Variants in DDIAS observed in about 807,000 individuals in gnomAD.
DDIAS encodes DNA damage induced apoptosis suppressor, also known as DNA damage-induced apoptosis suppressor protein.
A neutral mutation model predicts 15.7 loss-of-function variants in DDIAS; 14 were observed. The ratio of observed to expected loss-of-function variants is 0.89; its 90% CI spans 0.59 to 1.39. The LOEUF (loss-of-function observed/expected upper bound fraction) is 1.39. DDIAS is among the 40% of genes most tolerant of loss of function. The pLI, the probability that DDIAS is intolerant of heterozygous loss-of-function variation, is 0.00. For missense variants in DDIAS, 1,035 were observed against 1,130.9 expected (o/e 0.92, Z 1.22); for synonymous variants, 355 against 395.9 (o/e 0.90, Z 1.23).
In DDIAS at chr11:82,934,408, A is replaced by G; in HGVS notation, c.*73A>G. ...GTTTGCCTTCAGGGGTACGGAAAGC[A>G]TTCTTTACATTTTGAACACTTGGAG... On this transcript the variant is annotated 3_prime_UTR_variant, in exon 6 of 6. Coordinates refer to ENST00000533655, the MANE Select transcript of DDIAS (RefSeq NM_145018.4). 2 of 1,422,312 alleles carry G rather than the reference A, an allele frequency of 1.4e-6. No individual in the cohort carries two copies. Among genetic ancestry groups the G allele is most frequent in the East Asian group, 4.6e-5 (2 of 43,174 alleles). 88.1% of individuals were successfully genotyped at this position (1,422,312 alleles called of 1,614,324 possible).
chr11:82,932,599 A>G lies in DDIAS; in HGVS notation c.1261A>G (p.Ser421Gly). 1 of 1,614,170 alleles carries G rather than the reference A, an allele frequency of 6.2e-7. No homozygotes were observed. The highest frequency in any genetic ancestry group is 8.5e-7 in the Non-Finnish European group (1 of 1,180,026). The change falls in exon 6 of 6, where the codon AGC (serine) becomes GGC (glycine). Residue 421 changes from serine (S) to glycine (G), a missense_variant. By Grantham distance (56) the Ser-to-Gly change is moderately conservative. Coordinates refer to ENST00000533655, the MANE Select transcript of DDIAS (RefSeq NM_145018.4). ...TTGGGATGATCTGCCATTCTCTGAA[A>G]GCCTGAACAAGTTTCTGGCAGTTCT... ...QIWDDLPFSE[S>G]LNKFLAVLES...
At chr11:82,924,472 A>G (rs2121350676) in intron 3 of DDIAS, among the ~76,000 whole-genome samples, 1 of 152,312 alleles carries the variant, frequency 6.6e-6, no homozygotes. Flanking sequence ...AGGATTACTT[A>G]TCTCACCAGT....
At chr11:82,908,612 A>C (rs1218404550) in intron 1 of DDIAS, among the ~76,000 whole-genome samples, 1 of 152,226 alleles carries the variant, frequency 6.6e-6, no homozygotes, top group Non-Finnish European at 1.5e-5. Context: ...GACCAGACTA[A>C]AAATCAAAAT....
At chr11:82,902,582 T>C (rs530252708) in intron 1 of DDIAS, among the ~76,000 whole-genome samples, 1 of 152,340 alleles carries the variant, frequency 6.6e-6, no homozygotes, top group East Asian at 1.9e-4. Flanking sequence ...CTTTCCTATC[T>C]GACTTTTGCC....
chr11:82,928,861 A>G lies in DDIAS; in HGVS notation c.198A>G (p.Ser66=). ...AACTTTCCTTAAAAGTTGCAGAATC[A>G]AACAAATTGTTTGTTATTACTGTAT... ...RYKLSLKVAE[S]NKLFVITVFG... Residue 66 remains serine (S), a synonymous_variant, in exon 4 of 6, where the codon TCA becomes TCG. Coordinates refer to ENST00000533655, the MANE Select transcript of DDIAS (RefSeq NM_145018.4). The G allele has an allele frequency of 6.2e-7, 1 of 1,612,720 alleles. No individual in the cohort carries two copies. Among genetic ancestry groups the G allele is most frequent in the East Asian group, 2.2e-5 (1 of 44,766 alleles).
In DDIAS at chr11:82,934,351, C is replaced by A; in HGVS notation, c.*16C>A. On this transcript the variant is annotated 3_prime_UTR_variant, in exon 6 of 6. Transcript: ENST00000533655. Reference sequence around the variant, plus strand: ...GTTTTCATAAAAAGTCACCTGAACCCAATTCCTGAACTTTTAAATCTGTTT... The same window carrying A: ...GTTTTCATAAAAAGTCACCTGAACCAAATTCCTGAACTTTTAAATCTGTTT... 1 of 1,561,348 alleles carries A rather than the reference C, an allele frequency of 6.4e-7. No individual in the cohort carries two copies. Among genetic ancestry groups the A allele is most frequent in the Non-Finnish European group, 8.6e-7 (1 of 1,156,760 alleles).
intron 3 of DDIAS, among the ~76,000 whole-genome samples, chr11:82,920,119 G>T (rs1860715178): frequency 1.3e-5 from 2 of 152,000 alleles, no homozygotes; most frequent in African/African-American, 4.8e-5. Context: ...TAGGAGGGTT[G>T]TATTTTTCCA....
In DDIAS at chr11:82,934,310, C is replaced by T; in HGVS notation, c.2972C>T (p.Ala991Val). The change falls in exon 6 of 6, where the codon GCT (alanine) becomes GTT (valine). Residue 991 changes from alanine (A) to valine (V), a missense_variant. Physicochemically the swap from Ala to Val is moderately conservative, Grantham distance 64. Transcript: ENST00000533655. ...CCTTCAGTGTGTGAAACTCGAAGTG[C>T]TTGGTCACCTGAATTGTTTTCATAA... Reference protein sequence around the residue: ...GPPSVCETRSAWSPELFS With the variant: ...GPPSVCETRSVWSPELFS 6.3e-7 allele frequency: 1 copy of T among 1,596,638 alleles called. No homozygotes were observed. The highest frequency in any genetic ancestry group is 8.5e-7 in the Non-Finnish European group (1 of 1,174,082).
rs1268650617 is a variant in DDIAS at position 82,932,750 on chromosome 11, C to T, written c.1412C>T (p.Ala471Val). 10 of 1,613,844 alleles carry T rather than the reference C, an allele frequency of 6.2e-6. No individual in the cohort carries two copies. The African/African-American group carries it at 6.7e-5, about 11-fold the overall frequency. Reference sequence around the variant, plus strand: ...GTGACTCCCCAGAGAACTACTGGAGCCCTGCATACACCACCTATAGCTTTA... The same window carrying T: ...GTGACTCCCCAGAGAACTACTGGAGTCCTGCATACACCACCTATAGCTTTA... ...LSVTPQRTTG[A>V]LHTPPIALRS... Residue 471 changes from alanine to valine, a missense_variant, in exon 6 of 6, where the codon GCC becomes GTC. Coordinates refer to ENST00000533655, the MANE Select transcript of DDIAS (RefSeq NM_145018.4).
chr11:82,908,090 T>C (rs1860465718), intron 1 of DDIAS, among the ~76,000 whole-genome samples: 1 of 152,138 alleles, frequency 6.6e-6, no homozygotes, highest in Non-Finnish European at 1.5e-5. Flanking sequence ...TGAGCTAAAG[T>C]GGGGCTCTCT....
At chr11:82,918,314 G>A (rs1228921375) in intron 3 of DDIAS, among the ~76,000 whole-genome samples, 1 of 152,186 alleles carries the variant, frequency 6.6e-6, no homozygotes, top group Non-Finnish European at 1.5e-5. Flanking sequence ...GCTAGCCAAT[G>A]ATCCCAGCAC....
Position 82,933,729 on chromosome 11 carries a change from T to C in DDIAS, c.2391T>C (p.Phe797=), listed in dbSNP as rs137946617. The part of the protein sequence containing the change: ...GINRAFKKPV[F]YSDLDGNYEK... The stretch of plus-strand genomic sequence containing the variant: ...ACAGAGCTTTCAAAAAACCTGTATT[T>C]TATTCAGATCTTGATGGTAACTATG... Residue 797 remains phenylalanine (F), a synonymous_variant, in exon 6 of 6, where the codon TTT becomes TTC. Coordinates refer to ENST00000533655, the MANE Select transcript of DDIAS (RefSeq NM_145018.4). 1.4e-5 allele frequency: 22 copies of C among 1,613,238 alleles called. No homozygotes were observed. The highest frequency in any genetic ancestry group is 1.8e-5 in the Non-Finnish European group (21 of 1,179,828).
intron 3 of DDIAS, among the ~76,000 whole-genome samples, chr11:82,915,753 T>C (rs555723717): frequency 6.6e-6 from 1 of 152,324 alleles, no homozygotes; most frequent in South Asian, 2.1e-4. Context: ...AGTGATAGCA[T>C]GATAGTGTTT....
intron 3 of DDIAS, among the ~76,000 whole-genome samples, chr11:82,917,667 T>C (rs1399223774): frequency 6.6e-6 from 1 of 152,202 alleles, no homozygotes; most frequent in East Asian, 1.9e-4. Context: ...TACCCAGCAG[T>C]GGGATTGCTG....
intron 3 of DDIAS, among the ~76,000 whole-genome samples, chr11:82,925,356 G>A (rs1860837444): frequency 6.6e-6 from 1 of 152,118 alleles, no homozygotes; most frequent in Non-Finnish European, 1.5e-5. Context: ...CAACACTCTG[G>A]GAGGCCGAAA....
chr11:82,902,117 C>T (rs1860321451), intron 1 of DDIAS, among the ~76,000 whole-genome samples: 1 of 152,150 alleles, frequency 6.6e-6, no homozygotes, highest in Non-Finnish European at 1.5e-5. Context: ...GCGACTCTTG[C>T]TTCTGTAATG....
At chr11:82,918,636 A>G in intron 3 of DDIAS, among the ~76,000 whole-genome samples, 1 of 152,126 alleles carries the variant, frequency 6.6e-6, no homozygotes, top group East Asian at 1.9e-4. Flanking sequence ...TAGGGATTGC[A>G]CTGAATTTGT....
chr11:82,901,822 G>A lies in DDIAS; in HGVS notation c.-117G>A, dbSNP rs1370320770. On this transcript the variant is annotated splice_region_variant and 5_prime_UTR_variant, in exon 1 of 6. Transcript: ENST00000533655. ...GGCCCGTTCCTGGTCTTCTCCCCCA[G>A]GTGAGCTGGGTAAAGGGGTTCTCGG... The A allele has an allele frequency of 6.6e-6, 1 of 152,180 alleles. No homozygotes were observed. The highest frequency in any genetic ancestry group is 1.9e-4 in the East Asian group (1 of 5,182). 9.4% of individuals were successfully genotyped at this position (152,180 alleles called of 1,614,324 possible). A position where few individuals can be genotyped will look rare whatever the true frequency, so the allele number is the denominator to read the frequency against.
Position 82,931,856 on chromosome 11 carries a change from C to A in DDIAS, c.518C>A (p.Ala173Glu). The change falls in exon 6 of 6, where the codon GCA (alanine) becomes GAA (glutamate). Residue 173 changes from alanine (A) to glutamate (E), a missense_variant. Coordinates refer to ENST00000533655, the MANE Select transcript of DDIAS (RefSeq NM_145018.4). ...ATTGTTCTACCAGACCCAGGTATTG[C>A]AGGCTTTACTGTCATTGACTACTTC... The part of the protein sequence containing the change: ...CQIVLPDPGI[A>E]GFTVIDYFHQ... The A allele has an allele frequency of 6.2e-7, 1 of 1,614,204 alleles. No individual in the cohort carries two copies. Among genetic ancestry groups the A allele is most frequent in the Non-Finnish European group, 8.5e-7 (1 of 1,180,026 alleles).
Sources: allele counts gnomAD v4.1 joint callset (sites outside exome capture counted in the v4.1 genomes callset), GRCh38; gene constraint gnomAD v4.1.1; transcripts MANE v1.5; gene names NCBI Gene and HGNC (gene_info 2026-07-23, HGNC 2026-07-21).